Variants in FBLN1 observed in about 807,000 individuals in gnomAD.
FBLN1 encodes fibulin 1.
Under a neutral mutation model 89.7 loss-of-function variants are expected in FBLN1, and 34 were observed. The ratio of observed to expected loss-of-function variants is 0.38; its 90% confidence interval spans 0.29 to 0.50. The LOEUF (loss-of-function observed/expected upper bound fraction) is 0.50, where lower values mean the gene tolerates loss of function less well. Among genes scored for constraint, FBLN1 ranks in the 20% least tolerant of loss-of-function variants. The pLI, the probability that FBLN1 is intolerant of heterozygous loss-of-function variation, is 0.92. For synonymous variants in FBLN1, 393 were observed against 391.3 expected (o/e 1.00, Z -0.05); for missense variants, 777 against 988.1 (o/e 0.79, Z 2.86).
rs1489246547 is a variant in FBLN1, at chr22:45,600,697, C to T, written c.*251C>T. On this transcript the variant is annotated 3_prime_UTR_variant, in exon 17 of 17. Coordinates refer to ENST00000327858, the MANE Select transcript of FBLN1 (RefSeq NM_006486.3). ...ATTTTTTAATGCGAAGGCTAAGTGT[C>T]ACCCCCTTTCTCTGCCTCTGGCTGG... The T allele has an allele frequency of 5.6e-6, 3 of 536,766 alleles. No homozygotes were observed. The highest frequency in any genetic ancestry group is 1.0e-5 in the Non-Finnish European group (3 of 296,094). 33.3% of individuals were successfully genotyped at this position (536,766 alleles called of 1,614,324 possible). A position where few individuals can be genotyped will look rare whatever the true frequency, so the allele number is the denominator to read the frequency against.
At chr22:45,515,627 C>T (rs931290358) in intron 1 of FBLN1, among the ~76,000 whole-genome samples, 3 of 152,154 alleles carry the variant, frequency 2.0e-5, no homozygotes, top group Non-Finnish European at 4.4e-5. Context: ...CGGGGGATTC[C>T]GCACACCAGC....
intron 3 of FBLN1, 29 bp downstream of exon 3, chr22:45,525,707 T>G: frequency 6.4e-7 from 1 of 1,551,046 alleles, no homozygotes; most frequent in Non-Finnish European, 8.7e-7. Flanking sequence ...GTGGGGTCGC[T>G]GCCCGTCCCC....
At chr22:45,547,240 C>T (rs756810396) in intron 12 of FBLN1, 36 bp downstream of exon 12, 1 of 1,611,144 alleles carries the variant, frequency 6.2e-7, no homozygotes, top group Non-Finnish European at 8.5e-7. Flanking sequence ...GGGAAAGCAC[C>T]CCCTGGTCTT....
chr22:45,513,252 A>G (rs953324087), intron 1 of FBLN1, among the ~76,000 whole-genome samples: 1 of 151,770 alleles, frequency 6.6e-6, no homozygotes, highest in Non-Finnish European at 1.5e-5. Flanking sequence ...TAAAAGATGT[A>G]CTTTTTATTG....
chr22:45,594,989 T>C (rs892999311), intron 16 of FBLN1, among the ~76,000 whole-genome samples: 5 of 152,196 alleles, frequency 3.3e-5, no homozygotes, highest in African/African-American at 4.8e-5. Context: ...GCATCTATTA[T>C]GTGCCAGGAA....
At chr22:45,505,159 C>G (rs561141672) in intron 1 of FBLN1, among the ~76,000 whole-genome samples, 6 of 152,232 alleles carry the variant, frequency 3.9e-5, no homozygotes, top group Non-Finnish European at 7.3e-5. Flanking sequence ...TGTGTCTGTC[C>G]GTCCCGTTGG....
chr22:45,533,216 G>T, intron 6 of FBLN1, 52 bp downstream of exon 6: 1 of 1,523,414 alleles, frequency 6.6e-7, no homozygotes, highest in African/African-American at 1.4e-5. Context: ...CTGTGCTTGG[G>T]AGCTCTGTGC....
intron 16 of FBLN1, among the ~76,000 whole-genome samples, chr22:45,592,319 A>G (rs1195060099): frequency 6.6e-6 from 1 of 151,814 alleles, no homozygotes; most frequent in Non-Finnish European, 1.5e-5. Flanking sequence ...CAATACTTCC[A>G]TGTGCTTTTT....
intron 16 of FBLN1, among the ~76,000 whole-genome samples, chr22:45,594,748 GGATA>G (rs967813515): frequency 3.3e-5 from 5 of 151,130 alleles, no homozygotes; most frequent in East Asian, 3.9e-4. Context: ...ATGGGTGAGT[GGATA>G]GATGGATGGA....
intron 10 of FBLN1, 115 bp downstream of exon 10, chr22:45,542,398 C>T: frequency 1.4e-6 from 2 of 1,380,762 alleles, no homozygotes; most frequent in Non-Finnish European, 2.0e-6. Flanking sequence ...ATCCCAAGTG[C>T]AGGCAGACCC....
In FBLN1 at chr22:45,568,599, T is replaced by C. The variant is rs745546405; in HGVS notation, c.1698-5912T>C. Among the ~76,000 whole-genome samples the C allele has an allele frequency of 2.4e-3, 71 of 29,716 alleles. 3 individuals carry two copies. Among genetic ancestry groups the C allele is most frequent in the African/African-American group, 4.0e-3 (35 of 8,786 alleles). 19.5% of individuals were successfully genotyped at this position (29,716 alleles called of 152,430 possible). ...GGAGAATGCTCCTGTAGGGGAATGCTCCTTCTGTAAGGGAATGCTCCTCCT... is the reference window on the plus strand; with the variant it reads ...GGAGAATGCTCCTGTAGGGGAATGCCCCTTCTGTAAGGGAATGCTCCTCCT... On this transcript the variant is annotated intron_variant, in intron 14 of 16. Coordinates refer to ENST00000327858, the MANE Select transcript of FBLN1 (RefSeq NM_006486.3).
intron 1 of FBLN1, among the ~76,000 whole-genome samples, chr22:45,507,177 G>A (rs2088033861): frequency 6.6e-6 from 1 of 152,170 alleles, no homozygotes; most frequent in African/African-American, 2.4e-5. Flanking sequence ...CCTAGAGCTG[G>A]GCTGGGCCCC....
chr22:45,585,382 C>T (rs1170973631), intron 16 of FBLN1, among the ~76,000 whole-genome samples: 1 of 152,208 alleles, frequency 6.6e-6, no homozygotes, highest in African/African-American at 2.4e-5. Context: ...AAAATTATTA[C>T]CTCTTAAGGG....
At position 45,577,358 on chromosome 22, in the gene FBLN1, C is replaced by T. The variant is rs910009533; in HGVS notation, c.1972+250C>T. On this transcript the variant is annotated intron_variant, in intron 16 of 16. Transcript: ENST00000327858. The surrounding 1 kb of genome is among the most constrained non-coding windows in gnomAD (Gnocchi z 6.6). ...CTCTCTGGGTGACCCCTCTGGGTCT[C>T]GGTCTCCCTGCCTATAACATGGGTG... 1.4e-4 allele frequency among the ~76,000 whole-genome samples: 22 copies of T among 152,208 alleles called. No individual in the cohort carries two copies. Among genetic ancestry groups the T allele is most frequent in the African/African-American group, 5.1e-4 (21 of 41,446 alleles).
chr22:45,596,807 G>A (rs1770880915), intron 16 of FBLN1, among the ~76,000 whole-genome samples: 1 of 132,258 alleles, frequency 7.6e-6, no homozygotes, highest in Non-Finnish European at 1.5e-5. Context: ...ATACACTTAT[G>A]TGTAAATATA....
rs542672504 is a variant in FBLN1 at position 45,562,666 on chromosome 22, G to A, written c.1698-11845G>A. On this transcript the variant is annotated intron_variant, in intron 14 of 16. Coordinates refer to ENST00000327858, the MANE Select transcript of FBLN1 (RefSeq NM_006486.3). The surrounding 1 kb of genome is among the most constrained non-coding windows in gnomAD (Gnocchi z 7.8). Reference sequence around the variant, plus strand: ...GGGGACGCACCTCACTCCGGGCACAGCCTTTGGCCCCCGGCCACCCAGCGC... The same window carrying A: ...GGGGACGCACCTCACTCCGGGCACAACCTTTGGCCCCCGGCCACCCAGCGC... Among the ~76,000 whole-genome samples, 6 of 152,354 alleles carry A rather than the reference G, an allele frequency of 3.9e-5. No individual in the cohort carries two copies. The highest frequency in any genetic ancestry group is 6.5e-5 in the Admixed American group (1 of 15,304).
In FBLN1 at chr22:45,574,672, G is replaced by A. The variant is rs766943600; in HGVS notation, c.1840+19G>A. ...CCTGAAGGTGAGTGGGATGGGTGTG[G>A]GGGTCCCAGGGCCCCCTAGGGCCTC... On this transcript the variant is annotated intron_variant, in intron 15 of 16. Transcript: ENST00000327858. This position sits in a 1 kb window ranked among gnomAD's most constrained non-coding sequence, Gnocchi z 4.1. 22 of 1,610,628 alleles carry A rather than the reference G, an allele frequency of 1.4e-5. No individual in the cohort carries two copies. Among genetic ancestry groups the A allele is most frequent in the Non-Finnish European group, 1.9e-5 (22 of 1,178,924 alleles).
Position 45,578,335 on chromosome 22 carries a change from T to C in FBLN1, c.1972+1227T>C, listed in dbSNP as rs2089015454. ...CAAGCTTTTAAATGGGTTTGCATGT[T>C]GTAAACATGACTGAGTCACTGGGGG... On this transcript the variant is annotated intron_variant, in intron 16 of 16. Coordinates refer to ENST00000327858, the MANE Select transcript of FBLN1 (RefSeq NM_006486.3). This position sits in a 1 kb window ranked among gnomAD's most constrained non-coding sequence, Gnocchi z 4.6. 1 of 152,258 alleles carries C rather than the reference T, an allele frequency of 6.6e-6. No individual in the cohort carries two copies. Among genetic ancestry groups the C allele is most frequent in the Admixed American group, 6.5e-5 (1 of 15,282 alleles). The allele number at this position is 152,258 out of a possible 1,614,324, so 9.4% of individuals were successfully genotyped here.
Position 45,557,154 on chromosome 22 carries a change from G to T in FBLN1, c.1697+6539G>T, listed in dbSNP as rs919738850. Among the ~76,000 whole-genome samples the T allele has an allele frequency of 2.0e-5, 3 of 152,186 alleles. No individual in the cohort carries two copies. The East Asian group carries it at 5.8e-4, about 29-fold the overall frequency. On this transcript the variant is annotated intron_variant, in intron 14 of 16. Coordinates refer to ENST00000327858, the MANE Select transcript of FBLN1 (RefSeq NM_006486.3). The surrounding 1 kb of genome is among the most constrained non-coding windows in gnomAD (Gnocchi z 4.9). Reference sequence around the variant, plus strand: ...AAACCAGTGAATTCCATGAGCATGAGCCCACTGCCACACCTCTTTAGCAGT... The same window carrying T: ...AAACCAGTGAATTCCATGAGCATGATCCCACTGCCACACCTCTTTAGCAGT...
Sources: allele counts gnomAD v4.1 joint callset (sites outside exome capture counted in the v4.1 genomes callset), GRCh38; gene constraint gnomAD v4.1.1; non-coding constraint Gnocchi (gnomAD v3.1); transcripts MANE v1.5; gene names NCBI Gene and HGNC (gene_info 2026-07-23, HGNC 2026-07-21).